Variants in CLSTN2 observed in about 807,000 individuals in gnomAD.
CLSTN2 encodes the protein calsyntenin 2.
Under a neutral mutation model 101.2 loss-of-function variants are expected in CLSTN2, and 48 were observed. That is an observed-to-expected ratio of 0.47 (90% confidence interval 0.38 to 0.60). The LOEUF (loss-of-function observed/expected upper bound fraction) is 0.60. CLSTN2 is among the 20% of genes least tolerant of loss of function. CLSTN2 has a pLI of 0.00. For missense variants in CLSTN2, 1,160 were observed against 1,238.2 expected (o/e 0.94, Z 0.95); for synonymous variants, 481 against 463.6 (o/e 1.04, Z -0.48).
At chr3:140,520,221 G>T (rs1035733434) in intron 8 of CLSTN2, among the ~76,000 whole-genome samples, 9 of 152,162 alleles carry the variant, frequency 5.9e-5, no homozygotes, top group African/African-American at 2.2e-4. Context: ...CTTTCTCTCT[G>T]ACTGCTGTTA....
intron 2 of CLSTN2, among the ~76,000 whole-genome samples, chr3:140,358,444 A>G (rs2107947852): frequency 6.6e-6 from 1 of 152,274 alleles, no homozygotes; most frequent in Non-Finnish European, 1.5e-5. Flanking sequence ...ACACTGTAGT[A>G]TTAGTAATTT....
rs1276496014 is a variant in CLSTN2 at position 140,448,671 on chromosome 3, A to T, written c.940A>T (p.Thr314Ser). ...NYIGKGCDRE[T>S]YSEKSLQKLC... is the part of the protein sequence containing the mutation. ...CATTGGGAAGGGTTGTGACCGGGAG[A>T]CCTACTCTGAGAAATCCCTTCAAAA... Residue 314 changes from threonine (T) to serine (S), a missense_variant, in exon 6 of 17, where the codon ACC becomes TCC. By Grantham distance (58) the Thr-to-Ser change is moderately conservative (BLOSUM62 1). Transcript: ENST00000458420. 6.2e-7 allele frequency: 1 copy of T among 1,613,672 alleles called. No homozygotes were observed. Among genetic ancestry groups the T allele is most frequent in the Non-Finnish European group, 8.5e-7 (1 of 1,179,776 alleles).
At chr3:140,032,120 G>T (rs1242450435) in intron 1 of CLSTN2, among the ~76,000 whole-genome samples, 1 of 152,072 alleles carries the variant, frequency 6.6e-6, no homozygotes, top group Admixed American at 6.6e-5. Context: ...TGAACATATT[G>T]CATAGACTTG....
chr3:140,415,862 G>A, intron 4 of CLSTN2, among the ~76,000 whole-genome samples: 1 of 152,162 alleles, frequency 6.6e-6, no homozygotes, highest in East Asian at 1.9e-4. Flanking sequence ...GTATCCATAG[G>A]GGGAAAATAA....
chr3:140,523,480 C>G (rs1193623222), intron 8 of CLSTN2, among the ~76,000 whole-genome samples: 1 of 152,112 alleles, frequency 6.6e-6, no homozygotes, highest in Non-Finnish European at 1.5e-5. Flanking sequence ...TTGTTTTCTT[C>G]TGTTGTTAAT....
At chr3:140,131,031 G>A (rs948740329) in intron 1 of CLSTN2, among the ~76,000 whole-genome samples, 5 of 151,994 alleles carry the variant, frequency 3.3e-5, no homozygotes, top group African/African-American at 1.2e-4. Flanking sequence ...TTTTCTGAGT[G>A]TTTAAAGATT....
intron 1 of CLSTN2, among the ~76,000 whole-genome samples, chr3:140,024,578 T>C (rs2007380733): frequency 6.6e-6 from 1 of 152,196 alleles, no homozygotes; most frequent in African/African-American, 2.4e-5. Context: ...ACCCTGCAGC[T>C]CAGGCTGCAG....
At chr3:140,027,096 T>G (rs2007437307) in intron 1 of CLSTN2, among the ~76,000 whole-genome samples, 1 of 152,240 alleles carries the variant, frequency 6.6e-6, no homozygotes, top group African/African-American at 2.4e-5. Flanking sequence ...TCAGCCCTTC[T>G]TCTGAAATTG....
intron 8 of CLSTN2, among the ~76,000 whole-genome samples, chr3:140,522,369 T>C (rs1935048944): frequency 6.6e-6 from 1 of 152,232 alleles, no homozygotes; most frequent in Non-Finnish European, 1.5e-5. Context: ...AGTGTTTAAA[T>C]TAGTGGCCTG....
At chr3:140,365,730 C>G (rs1207917225) in intron 2 of CLSTN2, among the ~76,000 whole-genome samples, 1 of 152,160 alleles carries the variant, frequency 6.6e-6, no homozygotes, top group Non-Finnish European at 1.5e-5. Flanking sequence ...CAGTACTCAC[C>G]GAGGCCTACA....
rs868315451 is a variant in CLSTN2 at position 140,568,974 on chromosome 3, G to A, written c.*2721G>A. On this transcript the variant is annotated 3_prime_UTR_variant, in exon 17 of 17. Transcript: ENST00000458420. ...AATCAGAGCTGTTTCCCTCAACTCT[G>A]GCTATAAGAGGTCATTCTCTGCATG... The A allele has an allele frequency of 2.0e-5, 3 of 152,142 alleles. No individual in the cohort carries two copies. Among genetic ancestry groups the A allele is most frequent in the South Asian group, 2.1e-4 (1 of 4,824 alleles). The allele number at this position is 152,142 out of a possible 1,614,324, so 9.4% of individuals were successfully genotyped here. A position where few individuals can be genotyped will look rare whatever the true frequency, so the allele number is the denominator to read the frequency against.
At chr3:140,470,975 C>G (rs1933833680) in intron 8 of CLSTN2, among the ~76,000 whole-genome samples, 1 of 152,176 alleles carries the variant, frequency 6.6e-6, no homozygotes, top group African/African-American at 2.4e-5. Context: ...AGCCCAGCCC[C>G]TCTGCCCCGC....
At chr3:140,372,731 G>A (rs149777130) in intron 2 of CLSTN2, among the ~76,000 whole-genome samples, 1 of 152,268 alleles carries the variant, frequency 6.6e-6, no homozygotes, top group Admixed American at 6.5e-5. Context: ...CTATAAAAGT[G>A]CAGCTCCAAG....
chr3:140,145,671 C>T (rs751310725), intron 1 of CLSTN2, among the ~76,000 whole-genome samples: 101 of 152,310 alleles, frequency 6.6e-4, no homozygotes, highest in Non-Finnish European at 9.7e-4. Flanking sequence ...GCACCCTGAC[C>T]GAGACCCCTG....
intron 8 of CLSTN2, among the ~76,000 whole-genome samples, chr3:140,473,645 A>T (rs1272466847): frequency 1.3e-5 from 2 of 152,214 alleles, no homozygotes; most frequent in East Asian, 3.9e-4. Flanking sequence ...TTCAGAAGGG[A>T]TGTGGCCCTG....
intron 1 of CLSTN2, among the ~76,000 whole-genome samples, chr3:140,135,492 C>T (rs1560105727): frequency 6.6e-6 from 1 of 152,114 alleles, no homozygotes; most frequent in Non-Finnish European, 1.5e-5. Context: ...GTAGTCTCTA[C>T]AAACAAACTA....
chr3:140,191,920 G>T (rs1281796720), intron 2 of CLSTN2, among the ~76,000 whole-genome samples: 3 of 151,718 alleles, frequency 2.0e-5, no homozygotes, highest in African/African-American at 7.3e-5. Context: ...TTACCTAGAT[G>T]TTTAAGGTGG....
intron 2 of CLSTN2, among the ~76,000 whole-genome samples, chr3:140,266,742 G>T (rs559106224): frequency 2.0e-5 from 3 of 152,294 alleles, no homozygotes; most frequent in African/African-American, 7.2e-5. Context: ...CAAAGATCTT[G>T]ATTAGTCTAA....
chr3:140,237,194 C>T (rs1408145938), intron 2 of CLSTN2, among the ~76,000 whole-genome samples: 1 of 152,076 alleles, frequency 6.6e-6, no homozygotes, highest in African/African-American at 2.4e-5. Flanking sequence ...CTTTTCAAGA[C>T]TTGTTTTTAA....
Sources: gnomAD v4.1 joint callset for allele counts (sites outside exome capture counted in the v4.1 genomes callset) on GRCh38, gnomAD v4.1.1 for gene constraint, MANE v1.5 for transcripts, NCBI Gene and HGNC (gene_info 2026-07-23, HGNC 2026-07-21) for gene names.